Variants in MAPK10 observed in about 807,000 individuals in gnomAD.
The protein encoded by MAPK10 is mitogen-activated protein kinase 10.
In MAPK10, 25 loss-of-function variants were observed where a neutral mutation model predicts 59.3. The observed-to-expected ratio is 0.42, with a 90% CI of 0.31 to 0.59. The LOEUF (loss-of-function observed/expected upper bound fraction) is 0.59, where lower values mean the gene tolerates loss of function less well. Ranked by LOEUF, MAPK10 falls within the 20% of genes least tolerant of loss-of-function variation. The pLI, the probability that MAPK10 is intolerant of heterozygous loss-of-function variation, is 0.15. For synonymous variants in MAPK10, 190 were observed against 200.5 expected (o/e 0.95, Z 0.44); for missense variants, 351 against 568.9 (o/e 0.62, Z 3.90).
At chr4:86,444,341 A>C (rs1368649853) in intron 1 of MAPK10, among the ~76,000 whole-genome samples, 1 of 152,158 alleles carries the variant, frequency 6.6e-6, no homozygotes, top group African/African-American at 2.4e-5. Context: ...TTTAATAAAT[A>C]GTGCTGGCAG....
At chr4:86,126,775 C>A (rs1446629300) in intron 4 of MAPK10, among the ~76,000 whole-genome samples, 1 of 151,984 alleles carries the variant, frequency 6.6e-6, no homozygotes, top group Non-Finnish European at 1.5e-5. Flanking sequence ...TTCTCTTTAA[C>A]CTTAAATCGC....
intron 4 of MAPK10, among the ~76,000 whole-genome samples, chr4:86,109,943 T>C (rs554652828): frequency 6.6e-6 from 1 of 152,352 alleles, no homozygotes; most frequent in South Asian, 2.1e-4. Flanking sequence ...TAAGATGGTA[T>C]CTCATTATGG....
intron 1 of MAPK10, among the ~76,000 whole-genome samples, chr4:86,585,473 A>G (rs1446914981): frequency 6.6e-6 from 1 of 152,254 alleles, no homozygotes; most frequent in Non-Finnish European, 1.5e-5. Context: ...TAAATAAGAC[A>G]ATCTAGAACT....
At chr4:86,402,818 A>G in intron 1 of MAPK10, among the ~76,000 whole-genome samples, 1 of 152,216 alleles carries the variant, frequency 6.6e-6, no homozygotes, top group Non-Finnish European at 1.5e-5. Context: ...TCCCAGAAAC[A>G]GGCCAGCCTT....
intron 1 of MAPK10, among the ~76,000 whole-genome samples, chr4:86,462,288 A>T (rs1457036629): frequency 6.6e-6 from 1 of 152,188 alleles, no homozygotes; most frequent in Non-Finnish European, 1.5e-5. Context: ...TCACATTACA[A>T]TGGGGATATT....
Position 86,166,672 on chromosome 4 carries a change from A to T in MAPK10, c.67-7205T>A, listed in dbSNP as rs80325132. Reference sequence around the variant, plus strand: ...TCCTTAGTTTTCATTTGTGGTAGAGACAGTGCTCCATGAATATCCATGTGC... The same window carrying T: ...TCCTTAGTTTTCATTTGTGGTAGAGTCAGTGCTCCATGAATATCCATGTGC... On this transcript the variant is annotated intron_variant, in intron 3 of 13. Transcript: ENST00000641462. 9.9e-3 allele frequency among the ~76,000 whole-genome samples: 1,512 copies of T among 152,298 alleles called. 36 individuals are homozygous for T. Among genetic ancestry groups the T allele is most frequent in the African/African-American group, 0.035 (1,446 of 41,558 alleles).
intron 2 of MAPK10, among the ~76,000 whole-genome samples, chr4:86,315,104 T>A (rs1187782467): frequency 6.6e-6 from 1 of 152,142 alleles, no homozygotes; most frequent in Non-Finnish European, 1.5e-5. Flanking sequence ...TTTGAGAGGA[T>A]GGAACTGGAG....
chr4:86,537,989 T>C (rs1758376369), intron 1 of MAPK10, among the ~76,000 whole-genome samples: 1 of 152,154 alleles, frequency 6.6e-6, no homozygotes, highest in Non-Finnish European at 1.5e-5. Flanking sequence ...ACAGAATCTA[T>C]GTTCATGTAT....
chr4:86,546,004 A>C (rs1352785237), intron 1 of MAPK10, among the ~76,000 whole-genome samples: 1 of 152,104 alleles, frequency 6.6e-6, no homozygotes, highest in African/African-American at 2.4e-5. Context: ...TAATCCCAGC[A>C]CTTTGGGAGG....
chr4:86,393,751 C>A (rs934824030), intron 1 of MAPK10, among the ~76,000 whole-genome samples: 1 of 152,150 alleles, frequency 6.6e-6, no homozygotes, highest in African/African-American at 2.4e-5. Flanking sequence ...TGAAAGCAAG[C>A]TTGAAAGTCT....
chr4:86,360,315 A>C (rs980287808), upstream of MAPK10: 10 of 439,648 alleles, frequency 2.3e-5, no homozygotes, highest in South Asian at 2.9e-4. Context: ...CAACCTGAAG[A>C]AAAGATCCAT....
chr4:86,416,716 A>G (rs1349256091), intron 1 of MAPK10, among the ~76,000 whole-genome samples: 1 of 152,226 alleles, frequency 6.6e-6, no homozygotes, highest in African/African-American at 2.4e-5. Flanking sequence ...CCACAGATGT[A>G]GGAGCCCAGA....
At chr4:86,580,455 G>T (rs1762187554) in intron 1 of MAPK10, among the ~76,000 whole-genome samples, 1 of 151,976 alleles carries the variant, frequency 6.6e-6, no homozygotes, top group Admixed American at 6.6e-5. Context: ...GCTGAGATCA[G>T]GCCACTGCAT....
intron 4 of MAPK10, among the ~76,000 whole-genome samples, chr4:86,117,103 T>G (rs781684616): frequency 6.6e-6 from 1 of 152,230 alleles, no homozygotes; most frequent in Non-Finnish European, 1.5e-5. Flanking sequence ...ACAAAAAGCT[T>G]TGTTAAACTT....
At chr4:86,499,483 C>A (rs1272708773) in intron 1 of MAPK10, among the ~76,000 whole-genome samples, 1 of 152,144 alleles carries the variant, frequency 6.6e-6, no homozygotes, top group Non-Finnish European at 1.5e-5. Flanking sequence ...CACATACACA[C>A]CCATAGGCAG....
At chr4:86,456,425 AAAG>A (rs2149058682), upstream of MAPK10, among the ~76,000 whole-genome samples, 2 of 152,316 alleles carry the variant, frequency 1.3e-5, no homozygotes, top group East Asian at 3.9e-4. Context: ...TTAACCAAGA[AAAG>A]AAGAAAGAAA....
chr4:86,376,688 C>A (rs992440142), intron 1 of MAPK10, among the ~76,000 whole-genome samples: 3 of 152,112 alleles, frequency 2.0e-5, no homozygotes, highest in African/African-American at 7.2e-5. Context: ...ATGATAGTTG[C>A]CTAAGTTTTC....
At chr4:86,175,077 G>A (rs982402762) in intron 3 of MAPK10, among the ~76,000 whole-genome samples, 4 of 152,074 alleles carry the variant, frequency 2.6e-5, no homozygotes, top group African/African-American at 7.2e-5. Flanking sequence ...ATAATAAGTG[G>A]TATTACATAA....
chr4:86,028,817 G>A (rs1207153881), intron 13 of MAPK10: 2 of 285,676 alleles, frequency 7.0e-6, no homozygotes, highest in Non-Finnish European at 1.4e-5. Context: ...CAAACACTAA[G>A]AATGAATGAG....
Sources: allele counts gnomAD v4.1 joint callset (sites outside exome capture counted in the v4.1 genomes callset), GRCh38; gene constraint gnomAD v4.1.1; transcripts MANE v1.5; gene names NCBI Gene and HGNC (gene_info 2026-07-23, HGNC 2026-07-21).